CERS3: variants seen among roughly 807,000 people sequenced by gnomAD.
CERS3 encodes LAG1 homolog, ceramide synthase 3.
A neutral mutation model predicts 50.3 loss-of-function variants in CERS3; 33 were observed. That is an observed-to-expected ratio of 0.66 (90% CI 0.50 to 0.88). The LOEUF is 0.88. Among genes scored for constraint, CERS3 ranks in the 40% least tolerant of loss-of-function variants. The pLI, the probability that CERS3 is intolerant of heterozygous loss-of-function variation, is 0.00. For missense variants in CERS3, 470 were observed against 460.3 expected, an observed-to-expected ratio of 1.02 and a Z score of -0.19; for synonymous variants, 176 against 155.2, an observed-to-expected ratio of 1.13 and a Z score of -0.99.
intron 11 of CERS3, among the ~76,000 whole-genome samples, chr15:100,430,278 C>G (rs1375080739): frequency 6.6e-6 from 1 of 151,322 alleles, no homozygotes; most frequent in African/African-American, 2.4e-5. Flanking sequence ...CGCCACTGCA[C>G]TCCAGCCTGG....
At chr15:100,409,950 T>G (rs1440226388) in intron 11 of CERS3, among the ~76,000 whole-genome samples, 1 of 152,204 alleles carries the variant, frequency 6.6e-6, no homozygotes. Context: ...CGGAGCATAC[T>G]GTGGCACACA....
intron 3 of CERS3, among the ~76,000 whole-genome samples, chr15:100,498,292 C>A (rs371155310): frequency 9.2e-5 from 14 of 152,140 alleles, no homozygotes; most frequent in Admixed American, 2.0e-4. Context: ...AAATCAATCA[C>A]CTAATAAAGT....
intron 11 of CERS3, among the ~76,000 whole-genome samples, chr15:100,440,435 G>A (rs1368256496): frequency 6.6e-6 from 1 of 152,092 alleles, no homozygotes; most frequent in African/African-American, 2.4e-5. Context: ...CTGCCCACCA[G>A]AGAACAAACC....
chr15:100,433,950 G>C (rs572459054), intron 11 of CERS3, among the ~76,000 whole-genome samples: 1 of 152,352 alleles, frequency 6.6e-6, no homozygotes, highest in East Asian at 1.9e-4. Context: ...TTGCATGCAG[G>C]TAGATTTAGG....
intron 5 of CERS3, 114 bp downstream of exon 5, chr15:100,484,436 G>A: frequency 1.4e-6 from 1 of 707,140 alleles, no homozygotes; most frequent in Non-Finnish European, 2.5e-6. Context: ...ATCAGTGGGT[G>A]ACAGAGCTGG....
chr15:100,441,889 G>A (rs970513057), intron 11 of CERS3, among the ~76,000 whole-genome samples: 15 of 151,380 alleles, frequency 9.9e-5, no homozygotes, highest in Non-Finnish European at 2.2e-4. Context: ...CCCAAGCGTC[G>A]CTGAGTCTTT....
chr15:100,420,267 G>A (rs1262117759), intron 11 of CERS3, among the ~76,000 whole-genome samples: 1 of 148,688 alleles, frequency 6.7e-6, no homozygotes, highest in Admixed American at 6.7e-5. Context: ...CGATCCCACA[G>A]AAATACAAAC....
At chr15:100,410,880 A>T (rs571406443) in intron 11 of CERS3, among the ~76,000 whole-genome samples, 4 of 149,098 alleles carry the variant, frequency 2.7e-5, no homozygotes, top group African/African-American at 1.0e-4. Flanking sequence ...AAATACATTC[A>T]TAATTCTGTG....
intron 7 of CERS3, among the ~76,000 whole-genome samples, chr15:100,477,011 T>C (rs2035147966): frequency 6.6e-6 from 1 of 152,194 alleles, no homozygotes; most frequent in Non-Finnish European, 1.5e-5. Context: ...GACGTCACCA[T>C]AGACTTGAGC....
intron 7 of CERS3, among the ~76,000 whole-genome samples, chr15:100,477,042 A>G (rs1260965633): frequency 6.6e-6 from 1 of 152,214 alleles, no homozygotes; most frequent in Admixed American, 6.5e-5. Flanking sequence ...CCGGCCTCCC[A>G]ATTGTCTGAA....
At chr15:100,529,795 A>G (rs188279776), upstream of CERS3, among the ~76,000 whole-genome samples, 111 of 152,364 alleles carry the variant, frequency 7.3e-4, no homozygotes, top group African/African-American at 2.6e-3. Flanking sequence ...ACCAAACATC[A>G]GCAGTACCGC....
intron 8 of CERS3, among the ~76,000 whole-genome samples, chr15:100,474,153 C>A (rs1228566243): frequency 6.6e-6 from 1 of 151,952 alleles, no homozygotes. Flanking sequence ...GGAGTGACTG[C>A]TAAATGGTAT....
intron 1 of CERS3, among the ~76,000 whole-genome samples, chr15:100,542,044 A>C (rs899299627): frequency 6.6e-6 from 1 of 152,224 alleles, no homozygotes; most frequent in Non-Finnish European, 1.5e-5. Flanking sequence ...TTAAATCCTT[A>C]AAATCAAAAT....
intron 1 of CERS3, among the ~76,000 whole-genome samples, chr15:100,522,219 C>T (rs2036660289): frequency 6.6e-6 from 1 of 152,214 alleles, no homozygotes; most frequent in Non-Finnish European, 1.5e-5. Context: ...TACAGTTTGT[C>T]ATAGCACATG....
At chr15:100,464,753 G>A (rs984354231) in intron 10 of CERS3, among the ~76,000 whole-genome samples, 2 of 152,142 alleles carry the variant, frequency 1.3e-5, no homozygotes, top group Non-Finnish European at 2.9e-5. Context: ...ATCCACCTGC[G>A]ATTTAAATGG....
At chr15:100,527,541 G>A (rs973865687) in intron 1 of CERS3, among the ~76,000 whole-genome samples, 4 of 152,172 alleles carry the variant, frequency 2.6e-5, no homozygotes, top group Non-Finnish European at 4.4e-5. Context: ...ACCCTGTAGG[G>A]GGTTAATGGA....
chr15:100,487,166 G>A (rs1306856291), intron 4 of CERS3, among the ~76,000 whole-genome samples: 2 of 152,206 alleles, frequency 1.3e-5, no homozygotes, highest in Non-Finnish European at 2.9e-5. Context: ...AGAAAATAGT[G>A]CAAGATGTCA....
intron 7 of CERS3, among the ~76,000 whole-genome samples, chr15:100,479,095 G>A (rs1038626000): frequency 2.0e-5 from 3 of 151,840 alleles, no homozygotes; most frequent in African/African-American, 4.8e-5. Context: ...TCAATATAAG[G>A]GATGAAAAAG....
intron 2 of CERS3, among the ~76,000 whole-genome samples, chr15:100,508,515 C>T (rs941184101): frequency 6.6e-6 from 1 of 152,210 alleles, no homozygotes; most frequent in Non-Finnish European, 1.5e-5. Context: ...TGGAGAGATA[C>T]CTGTGTTTTT....
Sources: gnomAD v4.1 joint callset for allele counts (sites outside exome capture counted in the v4.1 genomes callset) on GRCh38, gnomAD v4.1.1 for gene constraint, MANE v1.5 for transcripts, NCBI Gene and HGNC (gene_info 2026-07-23, HGNC 2026-07-21) for gene names.